Variants in CACNA1E observed in about 807,000 individuals in gnomAD.
CACNA1E encodes voltage-dependent R-type calcium channel subunit alpha-1E.
A neutral mutation model predicts 259.2 loss-of-function variants in CACNA1E; 40 were observed. That is an observed-to-expected ratio of 0.15 (90% CI 0.12 to 0.20). The LOEUF is 0.20. Ranked by LOEUF, CACNA1E falls within the 10% of genes least tolerant of loss-of-function variation. The pLI is 1.00. For missense variants in CACNA1E, 1,874 were observed against 3,040.1 expected (o/e 0.62, Z 9.02); for synonymous variants, 1,104 against 1,138.5 (o/e 0.97, Z 0.61).
At chr1:181,553,130 G>GA (rs1300070934) in intron 3 of CACNA1E, among the ~76,000 whole-genome samples, 1 of 152,194 alleles carries the variant, frequency 6.6e-6, no homozygotes, top group Non-Finnish European at 1.5e-5. Flanking sequence ...TCCTATCCAT[G>GA]AAGATGGAAT....
rs74127805 is a variant in CACNA1E at position 181,610,561 on chromosome 1, A to T, written c.951+29785A>T. 5.6e-3 allele frequency among the ~76,000 whole-genome samples: 848 copies of T among 152,346 alleles called. 5 individuals carry two copies. Among genetic ancestry groups the T allele is most frequent in the African/African-American group, 0.02 (811 of 41,572 alleles). ...TACAGCAAAAAGTTCTGATCCAAAC[A>T]TTGTTTCTTATGCTTAAGTTTGTTG... On this transcript the variant is annotated intron_variant, in intron 6 of 47. Coordinates refer to ENST00000367573, the MANE Select transcript of CACNA1E (RefSeq NM_001205293.3).
At chr1:181,560,693 C>G (rs1649237085) in intron 3 of CACNA1E, among the ~76,000 whole-genome samples, 1 of 152,124 alleles carries the variant, frequency 6.6e-6, no homozygotes. Context: ...CCAAATTGAA[C>G]CATAAAAATT....
At chr1:181,524,651 C>G (rs987361157) in intron 3 of CACNA1E, among the ~76,000 whole-genome samples, 1 of 152,188 alleles carries the variant, frequency 6.6e-6, no homozygotes, top group Admixed American at 6.5e-5. Context: ...TCTATGATCT[C>G]GTGGTTTATG....
chr1:181,577,455 A>G (rs114586629), intron 3 of CACNA1E, among the ~76,000 whole-genome samples: 2 of 152,272 alleles, frequency 1.3e-5, no homozygotes, highest in African/African-American at 2.4e-5. Context: ...CAGGGCAGAG[A>G]GGAGAAAGGG....
intron 10 of CACNA1E, among the ~76,000 whole-genome samples, chr1:181,716,644 G>A (rs1258575708): frequency 6.6e-6 from 1 of 152,172 alleles, no homozygotes; most frequent in Non-Finnish European, 1.5e-5. Flanking sequence ...GCTGATGGCA[G>A]GTTTTTCCTC....
chr1:181,622,950 A>G (rs1301678787), intron 6 of CACNA1E, among the ~76,000 whole-genome samples: 2 of 152,222 alleles, frequency 1.3e-5, no homozygotes, highest in South Asian at 2.1e-4. Flanking sequence ...ACACCCTCAC[A>G]GTTGGACTTC....
At chr1:181,750,726 T>C (rs763015056) in intron 26 of CACNA1E, among the ~76,000 whole-genome samples, 4 of 152,192 alleles carry the variant, frequency 2.6e-5, no homozygotes, top group Non-Finnish European at 5.9e-5. Flanking sequence ...CAGATGAGCC[T>C]AATGCAGTGA....
At chr1:181,793,907 A>G in intron 45 of CACNA1E, 114 bp downstream of exon 45, 1 of 1,174,778 alleles carries the variant, frequency 8.5e-7, no homozygotes, top group Non-Finnish European at 1.2e-6. Context: ...CCCCTTCCCT[A>G]TAAATAAAAC....
intron 3 of CACNA1E, among the ~76,000 whole-genome samples, chr1:181,518,532 C>T (rs1047060192): frequency 6.6e-6 from 1 of 152,084 alleles, no homozygotes; most frequent in Non-Finnish European, 1.5e-5. Context: ...GGGCAAAAGA[C>T]AAAATGTGAA....
intron 1 of CACNA1E, among the ~76,000 whole-genome samples, chr1:181,373,451 T>C (rs1428597445): frequency 6.6e-6 from 1 of 152,126 alleles, no homozygotes; most frequent in African/African-American, 2.4e-5. Context: ...CTGATGGGTT[T>C]TTTGTATTGC....
rs144013617 is a variant in CACNA1E, at chr1:181,498,021, G to A, written c.267-12456G>A. Among the ~76,000 whole-genome samples, 492 of 152,290 alleles carry A rather than the reference G, an allele frequency of 3.2e-3. 2 individuals carry two copies. The highest frequency in any genetic ancestry group is 6.0e-3 in the Non-Finnish European group (408 of 68,022). On this transcript the variant is annotated intron_variant, in intron 1 of 47. Transcript: ENST00000367573. The stretch of plus-strand genomic sequence containing the variant: ...GTTCCTTTATCTGTCTGCAGAGCGC[G>A]TTTGGTTTGGAAATGCCAGTTCCCC...
intron 2 of CACNA1E, among the ~76,000 whole-genome samples, chr1:181,464,512 C>A (rs1662027334): frequency 6.7e-6 from 1 of 149,258 alleles, no homozygotes; most frequent in South Asian, 2.1e-4. Context: ...TTTTCTGAGT[C>A]TTTGTTTTAG....
chr1:181,678,560 G>A (rs1649610632), intron 7 of CACNA1E, among the ~76,000 whole-genome samples: 1 of 152,090 alleles, frequency 6.6e-6, no homozygotes, highest in Admixed American at 6.5e-5. Context: ...AACTAACAAG[G>A]ACACACTGAA....
chr1:181,705,038 AG>A (rs1428071781), intron 7 of CACNA1E, among the ~76,000 whole-genome samples: 1 of 152,242 alleles, frequency 6.6e-6, no homozygotes, highest in Non-Finnish European at 1.5e-5. Context: ...AGCATAATCA[AG>A]TCTAGAAATG....
At chr1:181,780,934 C>G (rs541172086) in intron 38 of CACNA1E, among the ~76,000 whole-genome samples, 16 of 152,300 alleles carry the variant, frequency 1.1e-4, no homozygotes, top group Non-Finnish European at 1.8e-4. Flanking sequence ...TCCAGGCCAG[C>G]GCCCCAGCCG....
At chr1:181,397,039 C>T (rs1656726561) in intron 1 of CACNA1E, among the ~76,000 whole-genome samples, 1 of 152,180 alleles carries the variant, frequency 6.6e-6, no homozygotes, top group South Asian at 2.1e-4. Flanking sequence ...TGCAGACCTG[C>T]TTTGTAGGGT....
At chr1:181,617,184 CT>C (rs1029539250) in intron 6 of CACNA1E, among the ~76,000 whole-genome samples, 56 of 151,304 alleles carry the variant, frequency 3.7e-4, no homozygotes, top group African/African-American at 1.3e-3. Flanking sequence ...TATTTATGTT[CT>C]TTATTTCCTT....
In CACNA1E at chr1:181,762,677, C is replaced by T. The variant is rs369703172; in HGVS notation, c.4689+20C>T. ...AGCAAGGTGAATGGCTTATAAGATCCATGTCTGTAAGCTTGGCCCTGGAGT... is the reference window on the plus strand; with the variant it reads ...AGCAAGGTGAATGGCTTATAAGATCTATGTCTGTAAGCTTGGCCCTGGAGT... On this transcript the variant is annotated intron_variant, in intron 33 of 47. Transcript: ENST00000367573. The T allele has an allele frequency of 6.2e-6, 9 of 1,456,626 alleles. No individual in the cohort carries two copies. The African/African-American group carries it at 1.1e-4, about 18-fold the overall frequency. 90.2% of individuals were successfully genotyped at this position (1,456,626 alleles called of 1,614,324 possible).
chr1:181,643,034 C>A (rs1657941954), intron 6 of CACNA1E, among the ~76,000 whole-genome samples: 1 of 152,108 alleles, frequency 6.6e-6, no homozygotes, highest in African/African-American at 2.4e-5. Context: ...TTATTAATAA[C>A]ATTTTTCACT....
Sources: allele counts gnomAD v4.1 joint callset (sites outside exome capture counted in the v4.1 genomes callset), GRCh38; gene constraint gnomAD v4.1.1; transcripts MANE v1.5; gene names NCBI Gene and HGNC (gene_info 2026-07-23, HGNC 2026-07-21).